The following PHACTR3 variants were observed in gnomAD, a reference collection of about 807,000 sequenced individuals.
PHACTR3 encodes the protein protein phosphatase 1, regulatory subunit 123.
In PHACTR3, 16 loss-of-function variants were observed where a neutral mutation model predicts 66.8. The ratio of observed to expected loss-of-function variants is 0.24; its 90% CI spans 0.16 to 0.36. The LOEUF (loss-of-function observed/expected upper bound fraction) is 0.36. Ranked by LOEUF, PHACTR3 falls within the 10% of genes least tolerant of loss-of-function variation. The probability of loss-of-function intolerance (pLI) is 1.00; values close to 1 mark genes in which losing one functional copy is unlikely to be tolerated. For missense variants in PHACTR3, 647 were observed against 719.9 expected (o/e 0.90, Z 1.16); for synonymous variants, 323 against 292.1 (o/e 1.11, Z -1.08).
chr20:59,643,349 T>G (rs1266650703), intron 1 of PHACTR3, among the ~76,000 whole-genome samples: 1 of 152,244 alleles, frequency 6.6e-6, no homozygotes, highest in Non-Finnish European at 1.5e-5. Context: ...GAACTACTTT[T>G]GTGCCTGACT....
intron 8 of PHACTR3, among the ~76,000 whole-genome samples, chr20:59,818,880 A>G (rs2041956173): frequency 6.6e-6 from 1 of 151,786 alleles, no homozygotes; most frequent in Admixed American, 6.6e-5. Context: ...TTATCTTTCC[A>G]TCATCTTTAG....
At position 59,590,548 on chromosome 20, in the gene PHACTR3, T is replaced by A. The variant is rs1012514705; in HGVS notation, c.109+12931T>A. Among the ~76,000 whole-genome samples, 2 of 152,128 alleles carry A rather than the reference T, an allele frequency of 1.3e-5. 1 individual carries two copies. The highest frequency in any genetic ancestry group is 1.3e-4 in the Admixed American group (2 of 15,284). On this transcript the variant is annotated intron_variant, in intron 1 of 12. Coordinates refer to the PHACTR3 transcript ENST00000359926. Reference sequence around the variant, plus strand: ...TTGTTTATTCTTTTCTTCACTGGGGTCAGGGGCTAAAGCCTGGTGGTTAAG... The same window carrying A: ...TTGTTTATTCTTTTCTTCACTGGGGACAGGGGCTAAAGCCTGGTGGTTAAG...
intron 1 of PHACTR3, among the ~76,000 whole-genome samples, chr20:59,653,463 C>T (rs970633189): frequency 1.3e-5 from 2 of 152,100 alleles, no homozygotes; most frequent in Non-Finnish European, 2.9e-5. Flanking sequence ...GGATTACAGG[C>T]GTGAGCCACT....
At chr20:59,841,877 GT>G (rs1456816835) in intron 11 of PHACTR3, among the ~76,000 whole-genome samples, 4 of 152,120 alleles carry the variant, frequency 2.6e-5, no homozygotes, top group African/African-American at 9.7e-5. Context: ...AGTACCAAAT[GT>G]CAAGACTGTG....
At chr20:59,752,898 C>T (rs559664465) in intron 3 of PHACTR3, among the ~76,000 whole-genome samples, 4 of 152,276 alleles carry the variant, frequency 2.6e-5, no homozygotes, top group African/African-American at 7.2e-5. Flanking sequence ...CTCACATTCC[C>T]TGTGTGTTGC....
intron 1 of PHACTR3, among the ~76,000 whole-genome samples, chr20:59,700,397 A>G (rs75618809): frequency 0.028 from 4,316 of 152,298 alleles, 172 homozygotes; most frequent in African/African-American, 0.092. Flanking sequence ...ATATGTTCTG[A>G]TGACTGCAAC....
intron 8 of PHACTR3, among the ~76,000 whole-genome samples, chr20:59,819,210 G>A (rs1272818166): frequency 6.6e-6 from 1 of 152,144 alleles, no homozygotes; most frequent in Non-Finnish European, 1.5e-5. Flanking sequence ...CACTTGCTGT[G>A]TTGCCCAGGC....
At chr20:59,751,595 G>C (rs758222620) in intron 3 of PHACTR3, among the ~76,000 whole-genome samples, 2 of 152,162 alleles carry the variant, frequency 1.3e-5, no homozygotes, top group Non-Finnish European at 2.9e-5. Flanking sequence ...GCTCCCGGGG[G>C]TGAGGCAGCA....
At chr20:59,723,060 C>CTCTTTCTTTCTTT (rs1555823460) in intron 1 of PHACTR3, among the ~76,000 whole-genome samples, 17 of 118,768 alleles carry the variant, frequency 1.4e-4, no homozygotes, top group African/African-American at 5.2e-4. Context: ...TTCTTTCTTT[C>CTCTTTCTTTCTTT]TCTTTCTTTC....
At position 59,820,334 on chromosome 20, in the gene PHACTR3, C is replaced by T. The variant is rs1321065346; in HGVS notation, c.1328+14140C>T. 6.6e-6 allele frequency among the ~76,000 whole-genome samples: 1 copy of T among 152,254 alleles called. No individual in the cohort carries two copies. Among genetic ancestry groups the T allele is most frequent in the East Asian group, 1.9e-4 (1 of 5,200 alleles). On this transcript the variant is annotated intron_variant, in intron 8 of 12. Transcript: ENST00000371015. The surrounding 1 kb of genome is among the most constrained non-coding windows in gnomAD (Gnocchi z 4.6). ...TCAACCTCAGCCCTAAAGGGAGGGG[C>T]CTGGTAGTCCTGCAAAGGCCGGGGC...
chr20:59,786,563 C>T (rs928776869), intron 7 of PHACTR3, among the ~76,000 whole-genome samples: 4 of 152,160 alleles, frequency 2.6e-5, no homozygotes, highest in East Asian at 1.9e-4. Flanking sequence ...CCATTGTGCG[C>T]GGCATGGCAC....
At chr20:59,662,058 T>A (rs2035826366) in intron 1 of PHACTR3, among the ~76,000 whole-genome samples, 1 of 152,184 alleles carries the variant, frequency 6.6e-6, no homozygotes, top group African/African-American at 2.4e-5. Flanking sequence ...TGAAGGGCAC[T>A]CTTTGTGCAG....
chr20:59,666,713 A>G (rs2036003440), intron 1 of PHACTR3, among the ~76,000 whole-genome samples: 1 of 152,160 alleles, frequency 6.6e-6, no homozygotes, highest in African/African-American at 2.4e-5. Flanking sequence ...TTAGAGAGAC[A>G]GAGAGAGGGA....
intron 3 of PHACTR3, among the ~76,000 whole-genome samples, chr20:59,754,979 C>T (rs746118920): frequency 4.6e-5 from 7 of 152,152 alleles, no homozygotes; most frequent in Non-Finnish European, 8.8e-5. Context: ...GAGCAGAAAC[C>T]AGGCTAGGGT....
At chr20:59,819,114 A>G (rs1197019595) in intron 8 of PHACTR3, among the ~76,000 whole-genome samples, 1 of 152,034 alleles carries the variant, frequency 6.6e-6, no homozygotes, top group African/African-American at 2.4e-5. Context: ...GACTCTTGAG[A>G]ATGGTGGGGG....
chr20:59,613,007 G>A lies in PHACTR3; in HGVS notation c.118+7875G>A, dbSNP rs141683076. ...CAGATCTTTTATGAACTATCAGAAC[G>A]AGAACTCCCTCAGCACCAAGCCATT... is the stretch of plus-strand genomic sequence containing the variant. On this transcript the variant is annotated intron_variant, in intron 1 of 12. Transcript: ENST00000371015. 3.8e-4 allele frequency among the ~76,000 whole-genome samples: 58 copies of A among 152,188 alleles called. 1 individual carries two copies. In the East Asian group the frequency reaches 0.01, roughly 26 times the overall value.
intron 7 of PHACTR3, among the ~76,000 whole-genome samples, chr20:59,800,338 G>T (rs1218775985): frequency 6.6e-6 from 1 of 152,122 alleles, no homozygotes; most frequent in Non-Finnish European, 1.5e-5. Flanking sequence ...TTATAATGCA[G>T]GTCTGCTGGT....
chr20:59,775,709 G>A (rs149056192), intron 7 of PHACTR3, among the ~76,000 whole-genome samples: 1 of 152,284 alleles, frequency 6.6e-6, no homozygotes, highest in Non-Finnish European at 1.5e-5. Flanking sequence ...GAAGAGGCTG[G>A]AGCCTGTGGT....
At chr20:59,710,213 T>G (rs2037860893) in intron 1 of PHACTR3, among the ~76,000 whole-genome samples, 2 of 152,178 alleles carry the variant, frequency 1.3e-5, no homozygotes, top group African/African-American at 4.8e-5. Context: ...AAAAGCCCCA[T>G]TTATTCAGGT....
Sources: gnomAD v4.1 joint callset for allele counts (sites outside exome capture counted in the v4.1 genomes callset) on GRCh38, gnomAD v4.1.1 for gene constraint, Gnocchi (gnomAD v3.1) non-coding constraint, MANE v1.5 for transcripts, NCBI Gene and HGNC (gene_info 2026-07-23, HGNC 2026-07-21) for gene names.